The following TSPAN15 variants were observed in gnomAD, a reference collection of about 807,000 sequenced individuals.
TSPAN15 encodes tetraspanin 15.
In TSPAN15, 20 loss-of-function variants were observed where a neutral mutation model predicts 34.5. The ratio of observed to expected loss-of-function variants is 0.58; its 90% CI spans 0.41 to 0.84. TSPAN15 has a LOEUF of 0.84. Among genes scored for constraint, TSPAN15 ranks in the 40% least tolerant of loss-of-function variants. The pLI is 0.00. For missense variants in TSPAN15, 313 were observed against 386.1 expected, an observed-to-expected ratio of 0.81 and a Z score of 1.59; for synonymous variants, 155 against 153.9, an observed-to-expected ratio of 1.01 and a Z score of -0.05.
the TSPAN15 span, among the ~76,000 whole-genome samples, chr10:69,545,029 G>A: frequency 1.3e-5 from 2 of 152,180 alleles, no homozygotes; most frequent in African/African-American, 4.8e-5. Context: ...GAGGCACAAG[G>A]ACCTGGGGTG....
downstream of TSPAN15, among the ~76,000 whole-genome samples, chr10:69,508,468 A>AG (rs1554835860): frequency 7.2e-6 from 1 of 139,366 alleles, no homozygotes; most frequent in East Asian, 2.0e-4. Flanking sequence ...AAAAAAAAAA[A>AG]AAGAAGAAGA....
chr10:69,473,537 G>A (rs897576433), intron 1 of TSPAN15, among the ~76,000 whole-genome samples: 3 of 152,118 alleles, frequency 2.0e-5, no homozygotes, highest in African/African-American at 7.2e-5. Context: ...GAGGGGGGCC[G>A]CCCACAGTCT....
intron 4 of TSPAN15, among the ~76,000 whole-genome samples, chr10:69,496,077 G>C (rs1486090989): frequency 6.6e-6 from 1 of 151,968 alleles, no homozygotes; most frequent in East Asian, 1.9e-4. Flanking sequence ...AACCTCAAGG[G>C]GAGTAACCTA....
chr10:69,542,384 C>T, the TSPAN15 span, among the ~76,000 whole-genome samples: 29 of 152,208 alleles, frequency 1.9e-4, no homozygotes. Flanking sequence ...ACTGTTCCAA[C>T]CTCTGCCTGT....
the TSPAN15 span, among the ~76,000 whole-genome samples, chr10:69,535,760 G>T: frequency 1.3e-5 from 2 of 152,346 alleles, no homozygotes; most frequent in African/African-American, 4.8e-5. Context: ...ACATTCAGGA[G>T]ATGCTCAATA....
At chr10:69,524,562 C>G in the TSPAN15 span, among the ~76,000 whole-genome samples, 1 of 146,724 alleles carries the variant, frequency 6.8e-6, no homozygotes, top group Non-Finnish European at 1.5e-5. Context: ...CAGCCATAAG[C>G]CTGCATGTGC....
chr10:69,513,389 T>C, the TSPAN15 span, among the ~76,000 whole-genome samples: 1 of 152,176 alleles, frequency 6.6e-6, no homozygotes, highest in African/African-American at 2.4e-5. Context: ...CTTTCCTTCA[T>C]GTAGAGATTG....
chr10:69,535,442 C>A, the TSPAN15 span, among the ~76,000 whole-genome samples: 1 of 152,244 alleles, frequency 6.6e-6, no homozygotes, highest in African/African-American at 2.4e-5. Flanking sequence ...AACCCACAAA[C>A]CAATTTGTCT....
At chr10:69,495,838 T>C in intron 4 of TSPAN15, 149 bp downstream of exon 4, 1 of 631,424 alleles carries the variant, frequency 1.6e-6, no homozygotes, top group Non-Finnish European at 2.8e-6. Flanking sequence ...ACAGTGAGCA[T>C]GGATGGCCCA....
intron 1 of TSPAN15, among the ~76,000 whole-genome samples, chr10:69,479,318 G>C (rs762637773): frequency 3.3e-5 from 5 of 152,248 alleles, no homozygotes; most frequent in African/African-American, 7.2e-5. Flanking sequence ...GCAGCTGCCT[G>C]GAACTGGGCC....
rs113814427 is a variant in TSPAN15 at position 69,477,297 on chromosome 10, G to A, written c.97-6394G>A. The stretch of plus-strand genomic sequence containing the variant: ...CTACAGGTGCACGCCACCACACCCA[G>A]CTAATTTTTGTATATTTAGTAGAGT... On this transcript the variant is annotated intron_variant, in intron 1 of 7. Transcript: ENST00000373290. Among the ~76,000 whole-genome samples the A allele has an allele frequency of 1.7e-3, 255 of 152,206 alleles. 1 individual carries two copies. The highest frequency in any genetic ancestry group is 5.7e-3 in the African/African-American group (235 of 41,562).
At chr10:69,483,306 C>T (rs545837721) in intron 1 of TSPAN15, among the ~76,000 whole-genome samples, 12 of 152,232 alleles carry the variant, frequency 7.9e-5, no homozygotes, top group African/African-American at 1.2e-4. Flanking sequence ...TGATTTCTTC[C>T]GAGGCTTGTC....
chr10:69,539,526 GA>G, the TSPAN15 span, among the ~76,000 whole-genome samples: 2 of 115,270 alleles, frequency 1.7e-5, no homozygotes, highest in South Asian at 2.9e-4. Flanking sequence ...AGAAGAAGAA[GA>G]AGAAGAAGAA....
At position 69,485,222 on chromosome 10, in the gene TSPAN15, CTGTGGATT is replaced by C. The variant is rs776906344; in HGVS notation, c.357+12_357+19del. On this transcript the variant is annotated splice_region_variant and intron_variant, in intron 3 of 7. Coordinates refer to ENST00000373290, the MANE Select transcript of TSPAN15 (RefSeq NM_012339.5). Reference sequence around the variant, plus strand: ...CTTGACCTTCCGGAACCAGGTGGGCCTGTGGATTTGTGTATCGGCCATGTGTGTATGGA... The same window carrying C: ...CTTGACCTTCCGGAACCAGGTGGGCCTGTGTATCGGCCATGTGTGTATGGA... The C allele has an allele frequency of 6.2e-7, 1 of 1,613,944 alleles. No individual in the cohort carries two copies. The highest frequency in any genetic ancestry group is 1.1e-5 in the South Asian group (1 of 91,074).
intron 1 of TSPAN15, among the ~76,000 whole-genome samples, chr10:69,462,155 G>GTTTTTTTTTT (rs755068937): frequency 1.9e-4 from 16 of 82,700 alleles, no homozygotes; most frequent in African/African-American, 7.2e-4. Flanking sequence ...TAATTTTAAA[G>GTTTTTTTTTT]TTTTTTTTTT....
chr10:69,462,165 T>TC (rs56076851), intron 1 of TSPAN15, among the ~76,000 whole-genome samples: 1 of 138,186 alleles, frequency 7.2e-6, no homozygotes, highest in East Asian at 2.0e-4. Flanking sequence ...GTTTTTTTTT[T>TC]TTTTTTTTTT....
At chr10:69,520,533 G>A in the TSPAN15 span, among the ~76,000 whole-genome samples, 1 of 152,196 alleles carries the variant, frequency 6.6e-6, no homozygotes, top group African/African-American at 2.4e-5. Flanking sequence ...GCATATGCCT[G>A]TAGTCCTAGC....
chr10:69,526,612 G>A, the TSPAN15 span, among the ~76,000 whole-genome samples: 1 of 147,448 alleles, frequency 6.8e-6, no homozygotes, highest in Non-Finnish European at 1.5e-5. Context: ...AGGCAATATA[G>A]TGAGACCCTG....
At chr10:69,519,877 C>T in the TSPAN15 span, among the ~76,000 whole-genome samples, 2 of 152,100 alleles carry the variant, frequency 1.3e-5, no homozygotes, top group Non-Finnish European at 2.9e-5. Flanking sequence ...GGATTACAGG[C>T]GTGTGCCACC....
Sources: gnomAD v4.1 joint callset for allele counts (sites outside exome capture counted in the v4.1 genomes callset) on GRCh38, gnomAD v4.1.1 for gene constraint, MANE v1.5 for transcripts, NCBI Gene and HGNC (gene_info 2026-07-23, HGNC 2026-07-21) for gene names.